Variants in SNCAIP observed in about 807,000 individuals in gnomAD.
The protein encoded by SNCAIP is synphilin-1.
In SNCAIP, 43 loss-of-function variants were observed where a neutral mutation model predicts 86.7. The ratio of observed to expected loss-of-function variants is 0.50; its 90% CI spans 0.39 to 0.64. SNCAIP has a LOEUF of 0.64. SNCAIP is among the 30% of genes least tolerant of loss of function. The pLI is 0.00. For missense variants in SNCAIP, 981 were observed against 1,103.1 expected (o/e 0.89, Z 1.57); for synonymous variants, 417 against 427.2 (o/e 0.98, Z 0.29).
intron 1 of SNCAIP, among the ~76,000 whole-genome samples, chr5:122,332,372 G>A (rs1755543817): frequency 6.6e-6 from 1 of 152,152 alleles, no homozygotes; most frequent in South Asian, 2.1e-4. Flanking sequence ...GAAATGAGGG[G>A]GAAAGAGGAG....
At chr5:122,387,833 T>C (rs548063525) in intron 1 of SNCAIP, among the ~76,000 whole-genome samples, 126 of 152,350 alleles carry the variant, frequency 8.3e-4, no homozygotes, top group African/African-American at 2.8e-3. Flanking sequence ...AAAGCACAAA[T>C]TGTGATGTGC....
At position 122,423,648 on chromosome 5, in the gene SNCAIP, C is replaced by T; in HGVS notation, c.911C>T (p.Thr304Ile). ...GAGCAGGTCAGTGGCCTAAACCGGA[C>T]CAGCTCCCAAGGCCCAGAAGAAAGG... ...PEEQVSGLNRTSSQGPEERSE... is the reference protein window; with the variant it reads ...PEEQVSGLNRISSQGPEERSE... The change falls in exon 4 of 11, where the codon ACC becomes ATC. Residue 304 changes from threonine (T) to isoleucine (I), a missense_variant. Thr to Ile is a moderately conservative substitution (Grantham distance 89). Coordinates refer to ENST00000261368, the MANE Select transcript of SNCAIP (RefSeq NM_005460.4). 1.2e-6 allele frequency: 2 copies of T among 1,612,652 alleles called. No homozygotes were observed. Among genetic ancestry groups the T allele is most frequent in the African/African-American group, 1.3e-5 (1 of 75,034 alleles).
At chr5:122,402,167 T>G (rs1235917718) in intron 2 of SNCAIP, among the ~76,000 whole-genome samples, 1 of 152,132 alleles carries the variant, frequency 6.6e-6, no homozygotes, top group Non-Finnish European at 1.5e-5. Flanking sequence ...GGCCCAATTT[T>G]AATTGAATTA....
intron 4 of SNCAIP, among the ~76,000 whole-genome samples, 170 bp downstream of exon 4, chr5:122,423,909 T>C (rs1258661302): frequency 2.0e-5 from 3 of 152,224 alleles, no homozygotes; most frequent in Non-Finnish European, 4.4e-5. Context: ...TAAGAAGTTA[T>C]GAAGTTAATA....
At chr5:122,413,978 T>C (rs940594559) in intron 3 of SNCAIP, among the ~76,000 whole-genome samples, 5 of 152,162 alleles carry the variant, frequency 3.3e-5, no homozygotes, top group African/African-American at 1.2e-4. Flanking sequence ...GGTACAATCA[T>C]AGCTCACCAC....
chr5:122,376,053 AC>A (rs1002258489), intron 1 of SNCAIP, among the ~76,000 whole-genome samples: 1 of 152,174 alleles, frequency 6.6e-6, no homozygotes, highest in African/African-American at 2.4e-5. Flanking sequence ...ATTATTGGGC[AC>A]CACCTTGACC....
intron 1 of SNCAIP, among the ~76,000 whole-genome samples, chr5:122,363,027 G>A (rs567506430): frequency 5.2e-5 from 7 of 134,096 alleles, no homozygotes; most frequent in East Asian, 2.1e-4. Context: ...ATGGAGTTTC[G>A]CTGTTGGTGC....
chr5:122,353,205 G>T (rs1475226566), intron 1 of SNCAIP, among the ~76,000 whole-genome samples: 1 of 152,034 alleles, frequency 6.6e-6, no homozygotes, highest in Admixed American at 6.6e-5. Flanking sequence ...AAAAAAGGAG[G>T]TGGGCAGCAC....
At chr5:122,432,209 T>A in intron 6 of SNCAIP, 127 bp downstream of exon 6, 1 of 652,100 alleles carries the variant, frequency 1.5e-6, no homozygotes, top group Non-Finnish European at 2.8e-6. Context: ...ATATAACCAA[T>A]GATATTTGTT....
intron 10 of SNCAIP, among the ~76,000 whole-genome samples, chr5:122,456,450 A>G (rs1784792030): frequency 6.6e-6 from 1 of 152,156 alleles, no homozygotes; most frequent in South Asian, 2.1e-4. Flanking sequence ...CCCCTAACAC[A>G]CACAAACACA....
chr5:122,331,286 C>G (rs1303120859), intron 1 of SNCAIP, among the ~76,000 whole-genome samples: 1 of 152,158 alleles, frequency 6.6e-6, no homozygotes, highest in East Asian at 1.9e-4. Flanking sequence ...CGTGAAATCT[C>G]AAGTTCATTG....
chr5:122,331,159 T>C (rs12520946), intron 1 of SNCAIP, among the ~76,000 whole-genome samples: 41,194 of 151,988 alleles, frequency 0.27, 6,644 homozygotes, highest in African/African-American at 0.46. Context: ...TTCTCCTGTG[T>C]AGCCTGGTTC....
chr5:122,419,228 AGGT>A (rs1775896021), intron 3 of SNCAIP, among the ~76,000 whole-genome samples: 1 of 152,062 alleles, frequency 6.6e-6, no homozygotes, highest in Admixed American at 6.6e-5. Context: ...GAGTGGGCAA[AGGT>A]GGAGAGAGAT....
At chr5:122,462,233 T>C (rs1198967922) in intron 10 of SNCAIP, among the ~76,000 whole-genome samples, 2 of 152,224 alleles carry the variant, frequency 1.3e-5, no homozygotes, top group Admixed American at 1.3e-4. Flanking sequence ...TTGGATTCCC[T>C]GACTGTAAGC....
chr5:122,423,665 G>C lies in SNCAIP; in HGVS notation c.928G>C (p.Glu310Gln), dbSNP rs200984908. 4.3e-6 allele frequency: 7 copies of C among 1,610,984 alleles called. No homozygotes were observed. The highest frequency in any genetic ancestry group is 1.7e-4 in the Middle Eastern group (1 of 6,056). The change falls in exon 4 of 11, where the codon GAA (glutamate) becomes CAA (glutamine). Residue 310 changes from glutamate to glutamine, a missense_variant. Physicochemically the swap from Glu to Gln is conservative, Grantham distance 29. Transcript: ENST00000261368. ...GLNRTSSQGP[E>Q]ERSEYLKKVK... is the part of the protein sequence containing the mutation. ...AAACCGGACCAGCTCCCAAGGCCCA[G>C]AAGAAAGGAGTGAGTATCTGAAAAA...
At chr5:122,459,977 G>A (rs961466438) in intron 10 of SNCAIP, among the ~76,000 whole-genome samples, 1 of 151,864 alleles carries the variant, frequency 6.6e-6, no homozygotes, top group Non-Finnish European at 1.5e-5. Context: ...TAGTATCCCT[G>A]TTATCTACTG....
At chr5:122,328,833 G>A (rs1754670308) in intron 1 of SNCAIP, among the ~76,000 whole-genome samples, 1 of 152,138 alleles carries the variant, frequency 6.6e-6, no homozygotes. Context: ...GGGACCCATG[G>A]CCAGTCCCTT....
At chr5:122,350,161 T>C (rs1759466295) in intron 1 of SNCAIP, among the ~76,000 whole-genome samples, 1 of 152,206 alleles carries the variant, frequency 6.6e-6, no homozygotes, top group South Asian at 2.1e-4. Context: ...TTTCTACATT[T>C]GGAATACGTT....
At chr5:122,451,687 C>A in intron 10 of SNCAIP, 86 bp downstream of exon 10, 1 of 1,029,796 alleles carries the variant, frequency 9.7e-7, no homozygotes, top group Non-Finnish European at 1.5e-6. Flanking sequence ...CCCACACTAC[C>A]TTGAGGGAAT....
Sources: gnomAD v4.1 joint callset for allele counts (sites outside exome capture counted in the v4.1 genomes callset) on GRCh38, gnomAD v4.1.1 for gene constraint, MANE v1.5 for transcripts, NCBI Gene and HGNC (gene_info 2026-07-23, HGNC 2026-07-21) for gene names.